Variants in SMARCAL1 observed in about 807,000 individuals in gnomAD.
SMARCAL1 encodes SNF2 related chromatin remodeling annealing helicase 1.
A neutral mutation model predicts 94.5 loss-of-function variants in SMARCAL1; 58 were observed. The observed-to-expected ratio is 0.61, with a 90% CI of 0.50 to 0.76. The LOEUF is 0.76. Among genes scored for constraint, SMARCAL1 ranks in the 30% least tolerant of loss-of-function variants. SMARCAL1 has a pLI of 0.00. For missense variants in SMARCAL1, 1,051 were observed against 1,177.9 expected (o/e 0.89, Z 1.58); for synonymous variants, 422 against 455.1 (o/e 0.93, Z 0.93).
At chr2:216,443,172 A>T (rs531119899) in intron 10 of SMARCAL1, among the ~76,000 whole-genome samples, 1 of 152,206 alleles carries the variant, frequency 6.6e-6, no homozygotes, top group Admixed American at 6.5e-5. Flanking sequence ...TGAGGTCAAG[A>T]GTTGCAGACT....
chr2:216,461,338 A>G (rs1694696907), intron 12 of SMARCAL1, among the ~76,000 whole-genome samples: 1 of 151,972 alleles, frequency 6.6e-6, no homozygotes, highest in Non-Finnish European at 1.5e-5. Context: ...GTATTTTTCT[A>G]TAATTATGTG....
chr2:216,441,577 G>A (rs1694196767), intron 10 of SMARCAL1, among the ~76,000 whole-genome samples: 1 of 152,176 alleles, frequency 6.6e-6, no homozygotes, highest in African/African-American at 2.4e-5. Flanking sequence ...TTAATCCTCA[G>A]TATCAGACAT....
At chr2:216,438,579 A>G (rs551225104) in intron 10 of SMARCAL1, 94 bp downstream of exon 10, 62 of 1,040,130 alleles carry the variant, frequency 6.0e-5, no homozygotes, top group Admixed American at 9.7e-5. Context: ...AGGGGTTGCA[A>G]GTATAGACCT....
intron 4 of SMARCAL1, among the ~76,000 whole-genome samples, chr2:216,417,077 C>T (rs111514305): frequency 1.0e-3 from 154 of 152,316 alleles, no homozygotes; most frequent in Non-Finnish European, 1.8e-3. Context: ...TCTTCCTCCC[C>T]CTAGCTTAAG....
At chr2:216,428,836 C>A in intron 7 of SMARCAL1, 54 bp downstream of exon 7, 2 of 1,459,382 alleles carry the variant, frequency 1.4e-6, no homozygotes, top group Non-Finnish European at 1.9e-6. Flanking sequence ...TCATTACTCA[C>A]CACAGACTGC....
At chr2:216,428,405 A>T (rs1375988779) in intron 6 of SMARCAL1, among the ~76,000 whole-genome samples, 191 bp from the exon 7 acceptor site, 2 of 152,094 alleles carry the variant, frequency 1.3e-5, no homozygotes, top group African/African-American at 4.8e-5. Context: ...TTTCATTTCC[A>T]TGTAGATCCC....
At chr2:216,481,696 G>T (rs1330742514) in intron 17 of SMARCAL1, among the ~76,000 whole-genome samples, 1 of 151,374 alleles carries the variant, frequency 6.6e-6, no homozygotes, top group Non-Finnish European at 1.5e-5. Context: ...GTAGAGATGG[G>T]GTTTCACCAC....
intron 7 of SMARCAL1, among the ~76,000 whole-genome samples, chr2:216,432,366 C>G (rs1186761340): frequency 6.6e-6 from 1 of 152,180 alleles, no homozygotes; most frequent in Non-Finnish European, 1.5e-5. Context: ...GGACTCCCAC[C>G]ACCCTCCTCC....
intron 12 of SMARCAL1, among the ~76,000 whole-genome samples, chr2:216,455,728 G>T (rs1286295906): frequency 1.3e-5 from 2 of 152,188 alleles, no homozygotes; most frequent in African/African-American, 2.4e-5. Context: ...AGCAAAGGTA[G>T]ATAAAACCAC....
At chr2:216,437,043 A>G (rs1478623924) in intron 9 of SMARCAL1, among the ~76,000 whole-genome samples, 1 of 152,254 alleles carries the variant, frequency 6.6e-6, no homozygotes, top group Non-Finnish European at 1.5e-5. Flanking sequence ...TCTTCAGTTA[A>G]GTAAGAGCTC....
In SMARCAL1 at chr2:216,477,138, C is replaced by G; in HGVS notation, c.2457C>G (p.His819Gln). The G allele has an allele frequency of 6.3e-7, 1 of 1,591,124 alleles. No individual in the cohort carries two copies. The highest frequency in any genetic ancestry group is 8.6e-7 in the Non-Finnish European group (1 of 1,168,854). ...GVLIQAEDRV[H>Q]RIGQTSSVGI... Reference sequence around the variant, plus strand: ...TGATCCAGGCTGAGGACCGCGTGCACCGCATTGGACAGACCAGCTCCGTGG... The same window carrying G: ...TGATCCAGGCTGAGGACCGCGTGCAGCGCATTGGACAGACCAGCTCCGTGG... The change falls in exon 16 of 18, where the codon CAC becomes CAG. Residue 819 changes from histidine (H) to glutamine (Q), a missense_variant. His to Gln is a conservative substitution (Grantham distance 24). This residue lies in a region of SMARCAL1 where 642 missense variants were observed against 754.7 expected (regional missense o/e 0.85). Coordinates refer to ENST00000357276, the MANE Select transcript of SMARCAL1 (RefSeq NM_014140.4).
At chr2:216,461,739 T>C (rs1210082460) in intron 12 of SMARCAL1, among the ~76,000 whole-genome samples, 1 of 150,598 alleles carries the variant, frequency 6.6e-6, no homozygotes, top group African/African-American at 2.4e-5. Context: ...GAGGCTGAGG[T>C]GGGAAGATCA....
intron 7 of SMARCAL1, among the ~76,000 whole-genome samples, chr2:216,429,509 C>T (rs537589742): frequency 1.3e-4 from 20 of 152,090 alleles, no homozygotes; most frequent in African/African-American, 2.4e-4. Flanking sequence ...AGCAAAATGC[C>T]GTATTTGAAC....
At position 216,451,856 on chromosome 2, in the gene SMARCAL1, T is replaced by C. The variant is rs1197102191; in HGVS notation, c.2070+792T>C. ...CCCATTACTAAGAAAATAACAGTCA[T>C]TGATATTTTTCAACATCATGAAGCA... On this transcript the variant is annotated intron_variant, in intron 12 of 17. Transcript: ENST00000357276. Among the ~76,000 whole-genome samples, 7 of 152,256 alleles carry C rather than the reference T, an allele frequency of 4.6e-5. No individual in the cohort carries two copies. In the South Asian group the frequency reaches 8.3e-4, roughly 18 times the overall value.
chr2:216,418,978 A>G (rs1189756871), intron 4 of SMARCAL1, among the ~76,000 whole-genome samples: 1 of 152,192 alleles, frequency 6.6e-6, no homozygotes, highest in African/African-American at 2.4e-5. Context: ...TGTCTTATGA[A>G]TGTGTCATAC....
intron 11 of SMARCAL1, among the ~76,000 whole-genome samples, chr2:216,448,208 T>G (rs138774840): frequency 3.7e-4 from 57 of 152,372 alleles, no homozygotes; most frequent in African/African-American, 1.3e-3. Flanking sequence ...TACACTTCTT[T>G]AATCATATAT....
chr2:216,471,035 A>G (rs12620897), intron 14 of SMARCAL1, among the ~76,000 whole-genome samples: 4,768 of 152,186 alleles, frequency 0.031, 153 homozygotes, highest in East Asian at 0.16. Flanking sequence ...GCCCTTTACC[A>G]TAAATGGAAA....
chr2:216,422,293 T>C (rs1036733756), intron 5 of SMARCAL1, among the ~76,000 whole-genome samples: 4 of 152,060 alleles, frequency 2.6e-5, no homozygotes, highest in African/African-American at 9.7e-5. Context: ...GGCAGGAGAA[T>C]CCCTTGAGCC....
chr2:216,421,725 T>C (rs1458069822), intron 5 of SMARCAL1, among the ~76,000 whole-genome samples: 1 of 152,240 alleles, frequency 6.6e-6, no homozygotes, highest in Non-Finnish European at 1.5e-5. Flanking sequence ...GTAGTTTTTA[T>C]GGATCAGTGT....
Sources: allele counts gnomAD v4.1 joint callset (sites outside exome capture counted in the v4.1 genomes callset), GRCh38; gene constraint gnomAD v4.1.1; regional missense constraint gnomAD v4.1.1; transcripts MANE v1.5; gene names NCBI Gene and HGNC (gene_info 2026-07-23, HGNC 2026-07-21).